DENND5A: variants seen among roughly 807,000 people sequenced by gnomAD.
DENND5A encodes the protein DENN domain containing 5A.
Under a neutral mutation model 140.3 loss-of-function variants are expected in DENND5A, and 64 were observed. The ratio of observed to expected loss-of-function variants is 0.46; its 90% CI spans 0.37 to 0.56. DENND5A has a LOEUF of 0.56. Ranked by LOEUF, DENND5A falls within the 20% of genes least tolerant of loss-of-function variation. DENND5A has a pLI of 0.00. For missense variants in DENND5A, 1,292 were observed against 1,593.8 expected (o/e 0.81, Z 3.22); for synonymous variants, 605 against 607.7 (o/e 1.00, Z 0.07).
intron 1 of DENND5A, among the ~76,000 whole-genome samples, chr11:9,248,261 G>A (rs757909253): frequency 2.0e-5 from 3 of 152,220 alleles, no homozygotes; most frequent in African/African-American, 7.2e-5. Context: ...GGGATTTCAG[G>A]CATGAGCCAC....
chr11:9,230,040 G>A (rs971698118), intron 1 of DENND5A, among the ~76,000 whole-genome samples: 1 of 150,184 alleles, frequency 6.7e-6, no homozygotes, highest in African/African-American at 2.4e-5. Flanking sequence ...GAGTAGCTGG[G>A]TGGGACTACA....
chr11:9,194,736 T>G (rs552546748), intron 4 of DENND5A, among the ~76,000 whole-genome samples: 36 of 152,160 alleles, frequency 2.4e-4, no homozygotes, highest in African/African-American at 7.0e-4. Flanking sequence ...TTTTTTTTTT[T>G]TGTGACGGGG....
rs528124666 is a variant in DENND5A at position 9,183,603 on chromosome 11, C to T, written c.1138-2519G>A. Reference sequence around the variant, plus strand: ...AATTGTTGTTGTTGAGACAGAGTGTCGCTGTGTTGCCCAGGCTGGTCTTGA... The same window carrying T: ...AATTGTTGTTGTTGAGACAGAGTGTTGCTGTGTTGCCCAGGCTGGTCTTGA... On this transcript the variant is annotated intron_variant, in intron 5 of 22. Transcript: ENST00000328194. Among the ~76,000 whole-genome samples the T allele has an allele frequency of 3.9e-5, 6 of 152,098 alleles. No homozygotes were observed. In the South Asian group the frequency reaches 6.2e-4, roughly 16 times the overall value.
At chr11:9,146,349 T>C (rs1847430725) in intron 16 of DENND5A, among the ~76,000 whole-genome samples, 1 of 152,202 alleles carries the variant, frequency 6.6e-6, no homozygotes, top group South Asian at 2.1e-4. Context: ...CAAGAGTCCA[T>C]GCTGCTGAGT....
chr11:9,206,683 G>C lies in DENND5A; in HGVS notation c.281C>G (p.Ala94Gly). Residue 94 changes from alanine (A) to glycine (G), a missense_variant, in exon 3 of 23, where the codon GCA (alanine) becomes GGA (glycine). This residue lies in a region of DENND5A where 566 missense variants were observed against 650.4 expected (regional missense o/e 0.87). Transcript: ENST00000328194. ...NVEWNPFDQD[A>G]VGMLCMPKGL... ...CTAACAAATACCAACCATTCCTACT[G>C]CATCTTGGTCAAAGGGATTCCATTC... 6.2e-7 allele frequency: 1 copy of C among 1,606,464 alleles called. No individual in the cohort carries two copies. The highest frequency in any genetic ancestry group is 8.5e-7 in the Non-Finnish European group (1 of 1,173,246).
chr11:9,164,306 A>G (rs952778019), intron 11 of DENND5A, among the ~76,000 whole-genome samples: 9 of 143,496 alleles, frequency 6.3e-5, no homozygotes, highest in African/African-American at 1.6e-4. Context: ...ACCCACCTCA[A>G]TCTCCCAAAG....
At chr11:9,146,159 T>A (rs947281363) in intron 16 of DENND5A, among the ~76,000 whole-genome samples, 1 of 152,184 alleles carries the variant, frequency 6.6e-6, no homozygotes, top group Non-Finnish European at 1.5e-5. Context: ...CACTCTTCAA[T>A]CTATCATCTC....
At chr11:9,140,091 G>A in intron 22 of DENND5A, 1 of 1,309,560 alleles carries the variant, frequency 7.6e-7, no homozygotes, top group Non-Finnish European at 1.0e-6. Context: ...CTCCTCCCCT[G>A]CCTCCCTCGC....
At position 9,265,091 on chromosome 11, in the gene DENND5A, C is replaced by G; in HGVS notation, c.-22G>C. On this transcript the variant is annotated 5_prime_UTR_variant, in exon 1 of 23. Coordinates refer to ENST00000328194, the MANE Select transcript of DENND5A (RefSeq NM_015213.4). The surrounding 1 kb of genome is among the most constrained non-coding windows in gnomAD (Gnocchi z 4.7). ...TCATGGCGCCGGGGCCGAGACCGGC[C>G]GGGCAGTGCGGAGCGGCACCGAGCC... is the stretch of plus-strand genomic sequence containing the variant. 2.0e-6 allele frequency: 3 copies of G among 1,465,692 alleles called. No homozygotes were observed. The highest frequency in any genetic ancestry group is 2.7e-6 in the Non-Finnish European group (3 of 1,105,184). 90.8% of individuals were successfully genotyped at this position (1,465,692 alleles called of 1,614,324 possible).
At chr11:9,200,213 C>T (rs1849477395) in intron 4 of DENND5A, among the ~76,000 whole-genome samples, 1 of 152,216 alleles carries the variant, frequency 6.6e-6, no homozygotes, top group Non-Finnish European at 1.5e-5. Flanking sequence ...TAAAAGCCTA[C>T]TGTATCTTCT....
rs1364691051 is a variant in DENND5A, at chr11:9,165,942, A to G, written c.2177T>C (p.Met726Thr). 3 of 1,614,058 alleles carry G rather than the reference A, an allele frequency of 1.9e-6. No homozygotes were observed. Among genetic ancestry groups the G allele is most frequent in the African/African-American group, 2.7e-5 (2 of 74,944 alleles). ...TTTGGGCTGGCGGATAGTGCTGCCC[A>G]TAGTCCTGGCTTCCTGGATGTACTT... The part of the protein sequence containing the change: ...REKYIQEART[M>T]GSTIRQPKLS... The change falls in exon 11 of 23, where the codon ATG becomes ACG. Residue 726 changes from methionine to threonine, a missense_variant. Around this residue, in one of 4 missense-constraint regions of DENND5A, gnomAD observed 199 missense variants for 189.1 expected, o/e 1.05. Coordinates refer to ENST00000328194, the MANE Select transcript of DENND5A (RefSeq NM_015213.4).
chr11:9,212,069 C>T (rs990294662), intron 1 of DENND5A, among the ~76,000 whole-genome samples: 2 of 151,280 alleles, frequency 1.3e-5, no homozygotes, highest in African/African-American at 4.9e-5. Flanking sequence ...ATCAGAAATA[C>T]AGACAGAAAA....
At chr11:9,215,610 C>A (rs1205636098) in intron 1 of DENND5A, among the ~76,000 whole-genome samples, 4 of 150,150 alleles carry the variant, frequency 2.7e-5, no homozygotes, top group African/African-American at 9.9e-5. Context: ...TGCAGTGGCA[C>A]GAACTCAGCT....
At chr11:9,253,170 G>C (rs1489519730) in intron 1 of DENND5A, among the ~76,000 whole-genome samples, 1 of 151,978 alleles carries the variant, frequency 6.6e-6, no homozygotes. Flanking sequence ...GAATTTACAA[G>C]CTGAGCGAAG....
At chr11:9,242,980 C>T (rs1164760608) in intron 1 of DENND5A, among the ~76,000 whole-genome samples, 6 of 148,236 alleles carry the variant, frequency 4.0e-5, no homozygotes, top group Admixed American at 6.9e-5. Context: ...CCCAGCTACT[C>T]GGGAGGTTGA....
In DENND5A at chr11:9,143,959, G is replaced by T. The variant is rs1847333081; in HGVS notation, c.3304+138C>A. 1.0e-5 allele frequency: 10 copies of T among 974,350 alleles called. No homozygotes were observed. In the Admixed American group the frequency reaches 1.6e-4, roughly 16 times the overall value. 60.4% of individuals were successfully genotyped at this position (974,350 alleles called of 1,614,324 possible). Reference sequence around the variant, plus strand: ...CATAAGAGAAGGGTGCCATATGTGTGAGGTGGCTTTGTTAGCAGAAGTGTT... The same window carrying T: ...CATAAGAGAAGGGTGCCATATGTGTTAGGTGGCTTTGTTAGCAGAAGTGTT... On this transcript the variant is annotated intron_variant, in intron 19 of 22. Coordinates refer to ENST00000328194, the MANE Select transcript of DENND5A (RefSeq NM_015213.4).
chr11:9,257,551 G>A (rs1044337061), intron 1 of DENND5A, among the ~76,000 whole-genome samples: 3 of 142,834 alleles, frequency 2.1e-5, no homozygotes, highest in Non-Finnish European at 4.5e-5. Context: ...GCTCGATCTC[G>A]GCTCACTGCA....
chr11:9,170,801 C>T (rs1364197676), intron 8 of DENND5A, 24 bp from the exon 9 acceptor site: 1 of 1,608,396 alleles, frequency 6.2e-7, no homozygotes, highest in Non-Finnish European at 8.5e-7. Context: ...CACACACACA[C>T]ACACACACAC....
chr11:9,201,603 G>A (rs11821090), intron 4 of DENND5A, among the ~76,000 whole-genome samples: 2,963 of 152,014 alleles, frequency 0.019, 88 homozygotes, highest in African/African-American at 0.067. Flanking sequence ...ATGGGAGGAC[G>A]AGGCTGCAGT....
Sources: gnomAD v4.1 joint callset for allele counts (sites outside exome capture counted in the v4.1 genomes callset) on GRCh38, gnomAD v4.1.1 for gene constraint, gnomAD v4.1.1 regional missense constraint, Gnocchi (gnomAD v3.1) non-coding constraint, MANE v1.5 for transcripts, NCBI Gene and HGNC (gene_info 2026-07-23, HGNC 2026-07-21) for gene names.